CHD2: variants seen among roughly 807,000 people sequenced by gnomAD.
CHD2 encodes chromodomain helicase DNA binding protein 2, also known as ATP-dependent chromatin remodeler CHD2.
Under a neutral mutation model 243.9 loss-of-function variants are expected in CHD2, and 28 were observed. That is an observed-to-expected ratio of 0.11 (90% CI 0.09 to 0.16). CHD2 has a LOEUF of 0.16. Ranked by LOEUF, CHD2 falls within the 10% of genes least tolerant of loss-of-function variation. CHD2 has a pLI of 1.00. For synonymous variants in CHD2, 775 were observed against 779.0 expected (o/e 0.99, Z 0.09); for missense variants, 1,386 against 2,209.8 (o/e 0.63, Z 7.47).
chr15:92,915,432 G>T (rs2052816196), intron 2 of CHD2, among the ~76,000 whole-genome samples: 1 of 152,084 alleles, frequency 6.6e-6, no homozygotes, highest in Admixed American at 6.5e-5. Flanking sequence ...GTGTCACCAT[G>T]CCCGGCTAAC....
chr15:93,011,024 T>C lies in CHD2; in HGVS notation c.4593-1321T>C, dbSNP rs528292157. Reference sequence around the variant, plus strand: ...TAATTTTCAAAATGGTACTTTTTTTTCCGCTTAACACTGTTACCAACTTCT... The same window carrying C: ...TAATTTTCAAAATGGTACTTTTTTTCCCGCTTAACACTGTTACCAACTTCT... On this transcript the variant is annotated intron_variant, in intron 35 of 38. Transcript: ENST00000394196. Among the ~76,000 whole-genome samples, 434 of 152,252 alleles carry C rather than the reference T, an allele frequency of 2.9e-3. 1 individual carries two copies. The highest frequency in any genetic ancestry group is 4.9e-3 in the Non-Finnish European group (330 of 68,020).
In CHD2 at chr15:92,985,683, G is replaced by C; in HGVS notation, c.3413+10G>C. 1 of 1,605,536 alleles carries C rather than the reference G, an allele frequency of 6.2e-7. No homozygotes were observed. The highest frequency in any genetic ancestry group is 1.1e-5 in the South Asian group (1 of 90,762). On this transcript the variant is annotated intron_variant, in intron 26 of 38. Coordinates refer to ENST00000394196, the MANE Select transcript of CHD2 (RefSeq NM_001271.4). ...ATGCAGAGATCCGAAGGTTGGTGGA[G>C]GCTCTGTTCTCACTGAGCTTGTTTG... is the stretch of plus-strand genomic sequence containing the variant.
At chr15:92,912,792 C>T (rs1209179969) in intron 2 of CHD2, among the ~76,000 whole-genome samples, 3 of 152,148 alleles carry the variant, frequency 2.0e-5, no homozygotes, top group African/African-American at 4.8e-5. Context: ...CCTTGTGATC[C>T]GCCCGCCTCG....
intron 16 of CHD2, among the ~76,000 whole-genome samples, chr15:92,960,241 T>G (rs1393616230): frequency 6.6e-6 from 1 of 152,216 alleles, no homozygotes; most frequent in Admixed American, 6.5e-5. Flanking sequence ...TGTGTGTATA[T>G]TGTTCTGTAT....
At chr15:92,919,680 C>T (rs765748914) in intron 2 of CHD2, among the ~76,000 whole-genome samples, 2 of 152,152 alleles carry the variant, frequency 1.3e-5, no homozygotes, top group East Asian at 1.9e-4. Flanking sequence ...CGTGAGCCAC[C>T]GCGCCTGGCC....
At position 93,014,839 on chromosome 15, in the gene CHD2, T is replaced by C; in HGVS notation, c.4836T>C (p.His1612=). The C allele has an allele frequency of 1.9e-6, 3 of 1,614,174 alleles. No homozygotes were observed. The highest frequency in any genetic ancestry group is 2.5e-6 in the Non-Finnish European group (3 of 1,180,028). Reference sequence around the variant, plus strand: ...AGAAGCCTCATTTGCCTGCCTCCCATGGCCCACAGATGCATGGACACCCAA... The same window carrying C: ...AGAAGCCTCATTTGCCTGCCTCCCACGGCCCACAGATGCATGGACACCCAA... ...HPQKPHLPAS[H]GPQMHGHPRD... Residue 1612 remains histidine, a synonymous_variant, in exon 37 of 39, where the codon CAT becomes CAC. Transcript: ENST00000394196.
At chr15:92,975,553 A>C (rs2053896358) in intron 20 of CHD2, among the ~76,000 whole-genome samples, 1 of 152,212 alleles carries the variant, frequency 6.6e-6, no homozygotes, top group Non-Finnish European at 1.5e-5. Context: ...GGGAGAGAAA[A>C]GTTTTGGTGT....
At position 92,998,682 on chromosome 15, in the gene CHD2, G is replaced by A; in HGVS notation, c.4008+61G>A. 1 of 1,578,544 alleles carries A rather than the reference G, an allele frequency of 6.3e-7. No homozygotes were observed. The highest frequency in any genetic ancestry group is 8.6e-7 in the Non-Finnish European group (1 of 1,159,086). On this transcript the variant is annotated intron_variant, in intron 31 of 38. Transcript: ENST00000394196. This position sits in a 1 kb window ranked among gnomAD's most constrained non-coding sequence, Gnocchi z 5.1. ...CTGAGGCTCCTACCCTGCAGAATTA[G>A]GTAGGAAGAGAGAGGCCCTCTCTGA...
chr15:92,950,708 G>A (rs577523885), intron 13 of CHD2, among the ~76,000 whole-genome samples: 10 of 149,952 alleles, frequency 6.7e-5, no homozygotes, highest in African/African-American at 9.8e-5. Flanking sequence ...AGCCATTTTC[G>A]CACCATTGCA....
chr15:93,016,862 A>G (rs183702112), intron 37 of CHD2, among the ~76,000 whole-genome samples: 1 of 152,118 alleles, frequency 6.6e-6, no homozygotes, highest in East Asian at 1.9e-4. Flanking sequence ...TGATTAGAAA[A>G]AAACTCTGTG....
intron 13 of CHD2, 25 bp from the exon 14 acceptor site, chr15:92,953,332 T>G (rs377681240): frequency 6.2e-7 from 1 of 1,603,324 alleles, no homozygotes; most frequent in African/African-American, 1.3e-5. Context: ...ATTTTTTTGT[T>G]TTTATTTATT....
Position 92,942,886 on chromosome 15 carries a change from C to T in CHD2, c.870C>T (p.Gly290=), listed in dbSNP as rs748380979. ...CTGTATATGCGATTGAAGCTAATGGCGACCCTAGTGGTGACTTTGACACTG... is the reference window on the plus strand; with the variant it reads ...CTGTATATGCGATTGAAGCTAATGGTGACCCTAGTGGTGACTTTGACACTG... ...STTVYAIEAN[G]DPSGDFDTEK... is the part of the protein sequence containing the mutation. The change falls in exon 9 of 39, where the codon GGC becomes GGT. Residue 290 remains glycine (G), a synonymous_variant. Coordinates refer to ENST00000394196, the MANE Select transcript of CHD2 (RefSeq NM_001271.4). 9.3e-6 allele frequency: 15 copies of T among 1,613,518 alleles called. No homozygotes were observed. Among genetic ancestry groups the T allele is most frequent in the African/African-American group, 5.3e-5 (4 of 74,836 alleles).
At chr15:92,968,051 T>G (rs963360991) in intron 17 of CHD2, among the ~76,000 whole-genome samples, 5 of 152,302 alleles carry the variant, frequency 3.3e-5, no homozygotes, top group South Asian at 2.1e-4. Flanking sequence ...TGCATTTTGC[T>G]TGTTTGGGGA....
At chr15:92,969,288 T>C (rs1240292391) in intron 17 of CHD2, among the ~76,000 whole-genome samples, 2 of 152,238 alleles carry the variant, frequency 1.3e-5, no homozygotes, top group African/African-American at 2.4e-5. Flanking sequence ...ACATGCAGGA[T>C]TGGGGAAAGC....
intron 2 of CHD2, chr15:92,904,539 T>C (rs536931589): frequency 9.0e-6 from 9 of 1,000,754 alleles, no homozygotes; most frequent in Middle Eastern, 2.8e-4. Context: ...GGCGGCTTCT[T>C]TCCTGGACGC....
chr15:92,977,556 C>A (rs1360596523), intron 20 of CHD2, among the ~76,000 whole-genome samples: 1 of 152,144 alleles, frequency 6.6e-6, no homozygotes, highest in African/African-American at 2.4e-5. Flanking sequence ...CCATATTTTT[C>A]TGAGCACTCA....
Position 92,929,018 on chromosome 15 carries a change from C to A in CHD2, c.382-12C>A. The A allele has an allele frequency of 6.2e-7, 1 of 1,610,258 alleles. No homozygotes were observed. The highest frequency in any genetic ancestry group is 8.5e-7 in the Non-Finnish European group (1 of 1,177,820). ...AAGTCTGTAATCATTTTTCCCCCCT[C>A]ACACACTGAAGGCAAGTAGCGGGTC... On this transcript the variant is annotated splice_polypyrimidine_tract_variant and intron_variant, in intron 4 of 38. Transcript: ENST00000394196.
intron 2 of CHD2, among the ~76,000 whole-genome samples, chr15:92,920,472 C>T (rs17648433): frequency 0.12 from 19,025 of 152,236 alleles, 1,499 homozygotes; most frequent in East Asian, 0.23. Flanking sequence ...TAGACATATC[C>T]TGATGCGGGC....
intron 37 of CHD2, among the ~76,000 whole-genome samples, chr15:93,017,035 A>C (rs1243403878): frequency 1.3e-5 from 2 of 152,204 alleles, no homozygotes; most frequent in Non-Finnish European, 1.5e-5. Flanking sequence ...TTACCCATTC[A>C]GATCATCAAA....
Sources: gnomAD v4.1 joint callset for allele counts (sites outside exome capture counted in the v4.1 genomes callset) on GRCh38, gnomAD v4.1.1 for gene constraint, Gnocchi (gnomAD v3.1) non-coding constraint, MANE v1.5 for transcripts, NCBI Gene and HGNC (gene_info 2026-07-23, HGNC 2026-07-21) for gene names.